The following NBEA variants were observed in gnomAD, a reference collection of about 807,000 sequenced individuals.
NBEA encodes the protein lysosomal-trafficking regulator 2.
NBEA carries 44 observed loss-of-function variants against 343.4 expected under a neutral mutation model. The ratio of observed to expected loss-of-function variants is 0.13; its 90% CI spans 0.10 to 0.16. NBEA has a LOEUF of 0.16. Among genes scored for constraint, NBEA ranks in the 10% least tolerant of loss-of-function variants. The pLI, the probability that NBEA is intolerant of heterozygous loss-of-function variation, is 1.00. For missense variants in NBEA, 2,555 were observed against 3,631.3 expected, an observed-to-expected ratio of 0.70 and a Z score of 7.62; for synonymous variants, 1,175 against 1,238.7, an observed-to-expected ratio of 0.95 and a Z score of 1.08.
intron 1 of NBEA, among the ~76,000 whole-genome samples, chr13:34,990,215 G>A (rs761341049): frequency 2.0e-5 from 3 of 151,008 alleles, no homozygotes; most frequent in Non-Finnish European, 4.4e-5. Context: ...ACTCCACTAG[G>A]CAGTGCCCCA....
At chr13:35,435,665 GT>G (rs1052463415) in intron 39 of NBEA, among the ~76,000 whole-genome samples, 40 of 152,216 alleles carry the variant, frequency 2.6e-4, no homozygotes, top group African/African-American at 9.4e-4. Context: ...TTCAGATATT[GT>G]TTAAATTTTA....
chr13:35,069,760 A>G (rs533714546), intron 8 of NBEA, 148 bp from the exon 9 acceptor site: 47 of 432,846 alleles, frequency 1.1e-4, no homozygotes, highest in African/African-American at 6.9e-4. Context: ...TGAAGTGACA[A>G]TAACAAAGTA....
intron 34 of NBEA, among the ~76,000 whole-genome samples, chr13:35,271,463 A>G (rs2152804620): frequency 6.6e-6 from 1 of 152,312 alleles, no homozygotes; most frequent in East Asian, 1.9e-4. Flanking sequence ...CCAAAGGAAC[A>G]CAACTCCACG....
At chr13:35,627,096 C>A (rs61949231) in intron 48 of NBEA, among the ~76,000 whole-genome samples, 5 of 152,092 alleles carry the variant, frequency 3.3e-5, no homozygotes, top group Admixed American at 6.6e-5. Context: ...TTCAAGAAAT[C>A]ATTTATTCAT....
At chr13:35,300,647 A>G (rs1219844624) in intron 35 of NBEA, among the ~76,000 whole-genome samples, 2 of 151,986 alleles carry the variant, frequency 1.3e-5, no homozygotes, top group East Asian at 3.9e-4. Context: ...CTTAGACCTT[A>G]CTCCTATGGA....
intron 40 of NBEA, among the ~76,000 whole-genome samples, chr13:35,469,858 A>G (rs549721472): frequency 4.6e-4 from 70 of 152,236 alleles, no homozygotes; most frequent in Non-Finnish European, 8.8e-4. Context: ...GAGGTTTTCA[A>G]ATAACCAAGT....
At chr13:35,331,955 A>G (rs1024835787) in intron 36 of NBEA, among the ~76,000 whole-genome samples, 3 of 152,026 alleles carry the variant, frequency 2.0e-5, no homozygotes, top group Middle Eastern at 3.2e-3. Context: ...TGTTTTTTCC[A>G]TGTTAAATGT....
chr13:35,611,757 A>C (rs1481280228), intron 48 of NBEA, among the ~76,000 whole-genome samples: 2 of 152,238 alleles, frequency 1.3e-5, no homozygotes, highest in African/African-American at 4.8e-5. Context: ...CCAACTTTTT[A>C]CATAATACTA....
chr13:35,175,781 G>A (rs1050477770), intron 27 of NBEA, among the ~76,000 whole-genome samples: 2 of 152,002 alleles, frequency 1.3e-5, no homozygotes, highest in South Asian at 4.1e-4. Flanking sequence ...AGTAAATCGA[G>A]TAATTTTTGA....
intron 46 of NBEA, among the ~76,000 whole-genome samples, chr13:35,592,543 C>T (rs1422542915): frequency 1.3e-5 from 2 of 152,006 alleles, no homozygotes; most frequent in East Asian, 3.9e-4. Flanking sequence ...ATGGCTGAGT[C>T]TTAAAGGATA....
At chr13:35,565,673 T>C (rs1392518276) in intron 44 of NBEA, among the ~76,000 whole-genome samples, 1 of 152,260 alleles carries the variant, frequency 6.6e-6, no homozygotes, top group Non-Finnish European at 1.5e-5. Context: ...ATCCTGTTTC[T>C]TTAATAGCTA....
At chr13:35,241,198 C>A (rs1294963821) in intron 34 of NBEA, among the ~76,000 whole-genome samples, 1 of 151,634 alleles carries the variant, frequency 6.6e-6, no homozygotes, top group African/African-American at 2.4e-5. Context: ...AATTAACAAG[C>A]TATTATAGTT....
intron 38 of NBEA, among the ~76,000 whole-genome samples, chr13:35,408,267 C>T (rs1429731029): frequency 6.6e-6 from 1 of 152,144 alleles, no homozygotes; most frequent in African/African-American, 2.4e-5. Context: ...GAAAGGATTT[C>T]TTATTCAATA....
intron 28 of NBEA, among the ~76,000 whole-genome samples, chr13:35,179,404 T>G (rs1209808021): frequency 2.6e-5 from 4 of 151,572 alleles, no homozygotes. Context: ...ATAAAATACC[T>G]GAGCAAGTCA....
intron 47 of NBEA, among the ~76,000 whole-genome samples, chr13:35,603,267 C>T (rs1396184455): frequency 1.3e-5 from 2 of 152,166 alleles, no homozygotes; most frequent in African/African-American, 4.8e-5. Flanking sequence ...TAATGAGCAC[C>T]TGCTGCGTGC....
At chr13:35,163,585 C>G (rs968612496) in intron 23 of NBEA, among the ~76,000 whole-genome samples, 1 of 150,588 alleles carries the variant, frequency 6.6e-6, no homozygotes, top group Non-Finnish European at 1.5e-5. Flanking sequence ...CACCACTACA[C>G]TCTAGCCTGG....
chr13:35,657,491 C>T (rs898989027), intron 55 of NBEA, among the ~76,000 whole-genome samples: 4 of 152,088 alleles, frequency 2.6e-5, no homozygotes, highest in South Asian at 2.1e-4. Context: ...AAGCCATGTC[C>T]GTAAACAATT....
intron 1 of NBEA, among the ~76,000 whole-genome samples, chr13:34,953,047 C>G (rs2059394390): frequency 6.6e-6 from 1 of 152,108 alleles, no homozygotes; most frequent in Non-Finnish European, 1.5e-5. Context: ...TACACCATTA[C>G]CTTTGATAAT....
intron 41 of NBEA, among the ~76,000 whole-genome samples, chr13:35,517,872 C>T (rs1034902174): frequency 6.6e-6 from 1 of 152,156 alleles, no homozygotes; most frequent in Non-Finnish European, 1.5e-5. Flanking sequence ...TTACAAGATA[C>T]TTAATAAATA....
Sources: gnomAD v4.1 joint callset for allele counts (sites outside exome capture counted in the v4.1 genomes callset) on GRCh38, gnomAD v4.1.1 for gene constraint, MANE v1.5 for transcripts, NCBI Gene and HGNC (gene_info 2026-07-23, HGNC 2026-07-21) for gene names.